The following MLLT3 variants were observed in gnomAD, a reference collection of about 807,000 sequenced individuals.
MLLT3 encodes the protein protein AF-9.
MLLT3 carries 4 observed loss-of-function variants against 53.2 expected under a neutral mutation model. That is an observed-to-expected ratio of 0.08 (90% CI 0.04 to 0.17). The LOEUF (loss-of-function observed/expected upper bound fraction) is 0.17, where lower values mean the gene tolerates loss of function less well. MLLT3 is among the 10% of genes least tolerant of loss of function. The pLI is 1.00. For synonymous variants in MLLT3, 283 were observed against 230.6 expected (o/e 1.23, Z -2.06); for missense variants, 569 against 684.0 (o/e 0.83, Z 1.87).
intron 2 of MLLT3, among the ~76,000 whole-genome samples, chr9:20,511,181 G>A (rs1825525266): frequency 6.6e-6 from 1 of 151,998 alleles, no homozygotes; most frequent in Admixed American, 6.6e-5. Context: ...ATGTGTGTGT[G>A]CATGTTCATA....
In MLLT3 at chr9:20,620,585, G is replaced by T; in HGVS notation, c.193+69C>A. The T allele has an allele frequency of 6.8e-7, 1 of 1,474,248 alleles. No homozygotes were observed. Among genetic ancestry groups the T allele is most frequent in the Middle Eastern group, 1.8e-4 (1 of 5,628 alleles). The allele number at this position is 1,474,248 out of a possible 1,614,324, so 91.3% of individuals were successfully genotyped here. A position where few individuals can be genotyped will look rare whatever the true frequency, so the allele number is the denominator to read the frequency against. ...GCGGGGGGCGGGGAGCGGGACAGCG[G>T]GACCGCCCGGGCCAAGCGATTGTTT... On this transcript the variant is annotated intron_variant, in intron 2 of 10. Coordinates refer to ENST00000380338, the MANE Select transcript of MLLT3 (RefSeq NM_004529.4). This position sits in a 1 kb window ranked among gnomAD's most constrained non-coding sequence, Gnocchi z 6.1.
intron 2 of MLLT3, among the ~76,000 whole-genome samples, chr9:20,506,135 A>T (rs1825374694): frequency 6.6e-6 from 1 of 151,782 alleles, no homozygotes; most frequent in Non-Finnish European, 1.5e-5. Flanking sequence ...GCTCACTGCA[A>T]CCTCTGCCTC....
At chr9:20,517,455 C>CAA (rs79900808) in intron 2 of MLLT3, among the ~76,000 whole-genome samples, 2 of 88,978 alleles carry the variant, frequency 2.2e-5, no homozygotes, top group African/African-American at 4.3e-5. Context: ...GACTCTGTCT[C>CAA]AAAAAAAAAA....
intron 5 of MLLT3, among the ~76,000 whole-genome samples, chr9:20,386,059 C>G (rs1174196196): frequency 2.0e-5 from 3 of 152,152 alleles, no homozygotes; most frequent in Non-Finnish European, 4.4e-5. Flanking sequence ...ATTCCCATTT[C>G]CAATGGGCAC....
chr9:20,507,249 A>G (rs1297012423), intron 2 of MLLT3, among the ~76,000 whole-genome samples: 1 of 152,188 alleles, frequency 6.6e-6, no homozygotes, highest in Admixed American at 6.5e-5. Flanking sequence ...TGAAGCTTAC[A>G]AACAATCTAC....
At chr9:20,570,906 T>C (rs1819515833) in intron 2 of MLLT3, among the ~76,000 whole-genome samples, 1 of 152,180 alleles carries the variant, frequency 6.6e-6, no homozygotes, top group Non-Finnish European at 1.5e-5. Context: ...TAAGCATAAC[T>C]TGAAAAAGCC....
intron 2 of MLLT3, among the ~76,000 whole-genome samples, chr9:20,540,399 C>T (rs778383473): frequency 1.7e-4 from 26 of 152,236 alleles, no homozygotes; most frequent in Admixed American, 3.3e-4. Flanking sequence ...GACATCCAGG[C>T]ATTTCCACAC....
At chr9:20,555,037 TAGTC>T (rs1563815234) in intron 2 of MLLT3, among the ~76,000 whole-genome samples, 1 of 152,170 alleles carries the variant, frequency 6.6e-6, no homozygotes, top group Non-Finnish European at 1.5e-5. Context: ...CTAGACCAAG[TAGTC>T]AGCTGGTGTC....
In MLLT3 at chr9:20,399,575, G is replaced by A. The variant is rs1299947052; in HGVS notation, c.1125+14146C>T. ...GGGGTGTGGCAGATTATTTAGAAAA[G>A]TTTCAAAGAATAAGTGAAAGTTAAC... On this transcript the variant is annotated intron_variant, in intron 5 of 10. Coordinates refer to ENST00000380338, the MANE Select transcript of MLLT3 (RefSeq NM_004529.4). 3.3e-5 allele frequency among the ~76,000 whole-genome samples: 5 copies of A among 152,038 alleles called. No individual in the cohort carries two copies. The East Asian group carries it at 9.6e-4, about 29-fold the overall frequency.
chr9:20,350,988 T>C (rs1316595638), intron 10 of MLLT3, among the ~76,000 whole-genome samples: 2 of 152,112 alleles, frequency 1.3e-5, no homozygotes, highest in Admixed American at 6.5e-5. Flanking sequence ...TGGGATAACA[T>C]AGGTCTTCCC....
chr9:20,429,551 GA>G (rs58879227), intron 4 of MLLT3, among the ~76,000 whole-genome samples: 1 of 151,538 alleles, frequency 6.6e-6, no homozygotes, highest in Admixed American at 6.6e-5. Flanking sequence ...TTGTAGGGGG[GA>G]AAAAAAGGAA....
chr9:20,566,177 G>T (rs955497097), intron 2 of MLLT3, among the ~76,000 whole-genome samples: 1 of 150,024 alleles, frequency 6.7e-6, no homozygotes, highest in African/African-American at 2.5e-5. Context: ...AGTGGCTCAT[G>T]CCTGTAATCC....
chr9:20,423,354 T>C (rs190384153), intron 4 of MLLT3, among the ~76,000 whole-genome samples: 1 of 152,320 alleles, frequency 6.6e-6, no homozygotes, highest in Admixed American at 6.5e-5. Flanking sequence ...ATCAAAAATA[T>C]GCCTGTTGTC....
chr9:20,610,365 G>A (rs559894447), intron 2 of MLLT3, among the ~76,000 whole-genome samples: 142 of 152,230 alleles, frequency 9.3e-4, no homozygotes, highest in Non-Finnish European at 1.7e-3. Flanking sequence ...ATTCATTTTT[G>A]CCTATTACAA....
chr9:20,469,739 AAT>A (rs1554686807), intron 2 of MLLT3, among the ~76,000 whole-genome samples: 1 of 151,742 alleles, frequency 6.6e-6, no homozygotes, highest in African/African-American at 2.4e-5. Flanking sequence ...AAAAAAAAAA[AAT>A]CTCTCTTCCT....
chr9:20,532,729 T>C (rs1020401896), intron 2 of MLLT3: 1 of 266,106 alleles, frequency 3.8e-6, no homozygotes, highest in Non-Finnish European at 7.2e-6. Context: ...ATGGCCCCAC[T>C]ATATCAGGTT....
intron 10 of MLLT3, among the ~76,000 whole-genome samples, chr9:20,350,931 T>C (rs939675773): frequency 2.0e-5 from 3 of 152,146 alleles, no homozygotes; most frequent in African/African-American, 4.8e-5. Flanking sequence ...TGGGGAGTAA[T>C]GAACAGGCCT....
At chr9:20,479,299 AC>A (rs1824604213) in intron 2 of MLLT3, among the ~76,000 whole-genome samples, 1 of 152,158 alleles carries the variant, frequency 6.6e-6, no homozygotes, top group Admixed American at 6.6e-5. Flanking sequence ...CAAGGCAATT[AC>A]TGTGAAGGGG....
chr9:20,397,637 T>C (rs1429919837), intron 5 of MLLT3, among the ~76,000 whole-genome samples: 1 of 152,170 alleles, frequency 6.6e-6, no homozygotes, highest in Non-Finnish European at 1.5e-5. Context: ...ACCTAAGTTT[T>C]AGGGTGTCTT....
Sources: gnomAD v4.1 joint callset for allele counts (sites outside exome capture counted in the v4.1 genomes callset) on GRCh38, gnomAD v4.1.1 for gene constraint, Gnocchi (gnomAD v3.1) non-coding constraint, MANE v1.5 for transcripts, NCBI Gene and HGNC (gene_info 2026-07-23, HGNC 2026-07-21) for gene names.